Variants in TACC2 observed in about 807,000 individuals in gnomAD.
TACC2 encodes the protein transforming acidic coiled-coil containing protein 2.
A neutral mutation model predicts 227.3 loss-of-function variants in TACC2; 137 were observed. That is an observed-to-expected ratio of 0.60 (90% confidence interval 0.52 to 0.69). TACC2 has a LOEUF of 0.69. TACC2 is among the 30% of genes least tolerant of loss of function. The pLI is 0.00. For missense variants in TACC2, 3,470 were observed against 3,694.4 expected (o/e 0.94, Z 1.57); for synonymous variants, 1,523 against 1,487.5 (o/e 1.02, Z -0.55).
chr10:122,229,715 A>C (rs1300496244), intron 15 of TACC2, among the ~76,000 whole-genome samples: 1 of 152,228 alleles, frequency 6.6e-6, no homozygotes, highest in Non-Finnish European at 1.5e-5. Flanking sequence ...ATTTCAATTT[A>C]CAAACTGGGC....
chr10:122,099,303 C>T (rs944627383), intron 5 of TACC2, among the ~76,000 whole-genome samples: 1 of 152,142 alleles, frequency 6.6e-6, no homozygotes, highest in Admixed American at 6.6e-5. Flanking sequence ...GTGTGAGTGC[C>T]GAGCCTGGGC....
chr10:122,043,529 T>TCTTC (rs2074586674), intron 2 of TACC2, among the ~76,000 whole-genome samples: 1 of 68,082 alleles, frequency 1.5e-5, no homozygotes, highest in South Asian at 5.6e-4. Flanking sequence ...TTCTTTTCTT[T>TCTTC]CTTTCTCTCT....
chr10:122,018,475 C>T (rs1956958924), intron 1 of TACC2, among the ~76,000 whole-genome samples: 1 of 152,154 alleles, frequency 6.6e-6, no homozygotes. Flanking sequence ...TGTGAAACCA[C>T]CACTTCTATT....
At chr10:122,211,947 TAATA>T (rs953005506) in intron 9 of TACC2, among the ~76,000 whole-genome samples, 51 of 152,344 alleles carry the variant, frequency 3.3e-4, no homozygotes, top group African/African-American at 1.2e-3. Flanking sequence ...TCTTTTGCTT[TAATA>T]AATCAATGGG....
At chr10:122,101,893 A>G (rs1054581927) in intron 5 of TACC2, among the ~76,000 whole-genome samples, 1 of 151,536 alleles carries the variant, frequency 6.6e-6, no homozygotes, top group Non-Finnish European at 1.5e-5. Flanking sequence ...TTTTTTAAAA[A>G]AAAGAAAAAA....
intron 14 of TACC2, among the ~76,000 whole-genome samples, chr10:122,229,058 G>A (rs1589764957): frequency 1.3e-5 from 2 of 152,014 alleles, no homozygotes; most frequent in Non-Finnish European, 2.9e-5. Context: ...ACCTTCCGCT[G>A]GCTAGCTCCC....
chr10:122,235,198 G>A (rs771352169), intron 16 of TACC2, among the ~76,000 whole-genome samples: 4 of 152,158 alleles, frequency 2.6e-5, no homozygotes, highest in South Asian at 2.1e-4. Context: ...AGCGATTCTC[G>A]TGCCTCAGCC....
intron 3 of TACC2, among the ~76,000 whole-genome samples, chr10:122,067,924 C>T (rs1390623275): frequency 6.6e-6 from 1 of 152,136 alleles, no homozygotes; most frequent in Non-Finnish European, 1.5e-5. Flanking sequence ...TTTGTATCTC[C>T]CCTCCTCCTG....
At chr10:122,003,699 A>C (rs1388285532) in intron 1 of TACC2, among the ~76,000 whole-genome samples, 1 of 151,258 alleles carries the variant, frequency 6.6e-6, no homozygotes, top group Non-Finnish European at 1.5e-5. Flanking sequence ...TCTGTCACCC[A>C]GGCTGGAGTG....
intron 7 of TACC2, among the ~76,000 whole-genome samples, chr10:122,176,117 C>CTCTCTATATATA (rs1447382017): frequency 2.9e-4 from 16 of 54,648 alleles, no homozygotes; most frequent in East Asian, 4.8e-4. Flanking sequence ...CTCTCTCTCT[C>CTCTCTATATATA]TATATATATA....
intron 17 of TACC2, 79 bp from the exon 18 acceptor site, chr10:122,237,882 C>T (rs757869226): frequency 1.3e-5 from 14 of 1,073,150 alleles, no homozygotes; most frequent in Non-Finnish European, 2.0e-5. Flanking sequence ...TCACCGTCTC[C>T]TTTTCTTGAT....
intron 19 of TACC2, chr10:122,247,876 CACATGTGCCCCAAATCTAAA>C (rs2096161829): frequency 1.3e-5 from 2 of 152,204 alleles, no homozygotes; most frequent in African/African-American, 4.8e-5. Flanking sequence ...AACCAACCTG[CACATGTGCCCCAAATCTAAA>C]AATATACATT....
At chr10:122,073,130 T>A (rs564090714) in intron 3 of TACC2, among the ~76,000 whole-genome samples, 9,477 of 50,968 alleles carry the variant, frequency 0.19, 813 homozygotes, top group Non-Finnish European at 0.21. Flanking sequence ...AAAAAAAATA[T>A]ATATATATAT....
intron 17 of TACC2, 52 bp downstream of exon 17, chr10:122,237,590 A>G (rs758528231): frequency 1.3e-6 from 2 of 1,575,684 alleles, no homozygotes. Context: ...ATAAATACGT[A>G]TGCTCGTGGT....
Position 122,141,412 on chromosome 10 carries a change from C to T in TACC2, c.5700-2160C>T, listed in dbSNP as rs1481237721. On this transcript the variant is annotated intron_variant, in intron 6 of 22. Transcript: ENST00000369005. The surrounding 1 kb of genome is among the most constrained non-coding windows in gnomAD (Gnocchi z 4.3). ...CCTTTGGCTAACGGGACCCAGCCAGCGCAGGAAGGGTGTGGCCATGGCAGT... is the reference window on the plus strand; with the variant it reads ...CCTTTGGCTAACGGGACCCAGCCAGTGCAGGAAGGGTGTGGCCATGGCAGT... Among the ~76,000 whole-genome samples the T allele has an allele frequency of 2.6e-5, 4 of 151,848 alleles. No individual in the cohort carries two copies. The highest frequency in any genetic ancestry group is 1.9e-4 in the East Asian group (1 of 5,148).
intron 7 of TACC2, among the ~76,000 whole-genome samples, chr10:122,173,990 C>T (rs2093596192): frequency 6.6e-6 from 1 of 152,216 alleles, no homozygotes. Context: ...CAAGCCTAGG[C>T]TGCGGCCAGC....
At position 122,137,716 on chromosome 10, in the gene TACC2, A is replaced by T. The variant is rs540623618; in HGVS notation, c.5699+4982A>T. ...AGAATCACCTGCTGACAACCCAGATATGCTGCCCTCTTCCCAGAGTCTGAT... is the reference window on the plus strand; with the variant it reads ...AGAATCACCTGCTGACAACCCAGATTTGCTGCCCTCTTCCCAGAGTCTGAT... On this transcript the variant is annotated intron_variant, in intron 6 of 22. Transcript: ENST00000369005. Among the ~76,000 whole-genome samples, 42 of 152,280 alleles carry T rather than the reference A, an allele frequency of 2.8e-4. No homozygotes were observed. In the South Asian group the frequency reaches 8.7e-3, roughly 32 times the overall value.
chr10:122,050,371 A>T lies in TACC2; in HGVS notation c.34-67A>T. ...ATGCTGTGGTGGGTGCCCTGTTGAT[A>T]AATGTTTTTGTGTTTTCAGAGACTC... On this transcript the variant is annotated intron_variant, in intron 2 of 22. Transcript: ENST00000369005. This position sits in a 1 kb window ranked among gnomAD's most constrained non-coding sequence, Gnocchi z 4.6. 7.8e-7 allele frequency: 1 copy of T among 1,288,918 alleles called. No individual in the cohort carries two copies. The highest frequency in any genetic ancestry group is 1.1e-6 in the Non-Finnish European group (1 of 900,320). The allele number at this position is 1,288,918 out of a possible 1,614,324, so 79.8% of individuals were successfully genotyped here. A position where few individuals can be genotyped will look rare whatever the true frequency, so the allele number is the denominator to read the frequency against.
intron 10 of TACC2, 30 bp from the exon 11 acceptor site, chr10:122,216,597 G>T: frequency 6.2e-7 from 1 of 1,605,578 alleles, no homozygotes. Flanking sequence ...AGTCTGATGA[G>T]ACAAGAAACA....
Sources: gnomAD v4.1 joint callset for allele counts (sites outside exome capture counted in the v4.1 genomes callset) on GRCh38, gnomAD v4.1.1 for gene constraint, Gnocchi (gnomAD v3.1) non-coding constraint, MANE v1.5 for transcripts, NCBI Gene and HGNC (gene_info 2026-07-23, HGNC 2026-07-21) for gene names.